TMTC1: variants seen among roughly 807,000 people sequenced by gnomAD.
The protein encoded by TMTC1 is transmembrane O-mannosyltransferase targeting cadherins 1, also known as protein O-mannosyl-transferase TMTC1.
In TMTC1, 73 loss-of-function variants were observed where a neutral mutation model predicts 104.8. The ratio of observed to expected loss-of-function variants is 0.70; its 90% CI spans 0.58 to 0.85. TMTC1 has a LOEUF of 0.85. TMTC1 is among the 40% of genes least tolerant of loss of function. The pLI, the probability that TMTC1 is intolerant of heterozygous loss-of-function variation, is 0.00. For synonymous variants in TMTC1, 434 were observed against 428.7 expected (o/e 1.01, Z -0.15); for missense variants, 1,035 against 1,096.1 (o/e 0.94, Z 0.79).
intron 5 of TMTC1, among the ~76,000 whole-genome samples, chr12:29,716,510 A>G (rs1203044317): frequency 1.3e-5 from 2 of 152,202 alleles, no homozygotes; most frequent in Non-Finnish European, 2.9e-5. Flanking sequence ...TATTAAAAAT[A>G]TTCATAATTA....
chr12:29,726,666 T>C (rs1358917201), intron 5 of TMTC1, among the ~76,000 whole-genome samples: 1 of 152,172 alleles, frequency 6.6e-6, no homozygotes, highest in Non-Finnish European at 1.5e-5. Context: ...CTGACACTAT[T>C]GCATCCCTTA....
intron 5 of TMTC1, among the ~76,000 whole-genome samples, chr12:29,746,970 T>A (rs1418681862): frequency 6.6e-6 from 1 of 152,282 alleles, no homozygotes; most frequent in South Asian, 2.1e-4. Flanking sequence ...AGGTGCTCAG[T>A]AAACAGTATT....
chr12:29,518,158 A>T (rs1045785952), intron 13 of TMTC1, among the ~76,000 whole-genome samples: 1 of 152,162 alleles, frequency 6.6e-6, no homozygotes, highest in Non-Finnish European at 1.5e-5. Flanking sequence ...ATAGTTTTTC[A>T]TGTATCCTCA....
rs1237499743 is a variant in TMTC1, at chr12:29,633,168, C to A, written c.1107G>T (p.Leu369=). Reference sequence around the variant, plus strand: ...TTACCTTAAAGGCTGCTAAGCAGTGCAGGCTCAATAAGGCCATCACAACCG... The same window carrying A: ...TTACCTTAAAGGCTGCTAAGCAGTGAAGGCTCAATAAGGCCATCACAACCG... ...FLAVVMALLS[L]HCLAAFKRLE... Residue 369 remains leucine (L), a synonymous_variant, in exon 6 of 18, where the codon CTG becomes CTT. Transcript: ENST00000539277. The A allele has an allele frequency of 3.1e-6, 5 of 1,613,776 alleles. No individual in the cohort carries two copies. The South Asian group carries it at 5.5e-5, about 18-fold the overall frequency.
chr12:29,673,407 C>G (rs980070215), intron 5 of TMTC1, among the ~76,000 whole-genome samples: 1 of 152,104 alleles, frequency 6.6e-6, no homozygotes, highest in Non-Finnish European at 1.5e-5. Context: ...TTGTGAAAAT[C>G]AGAAATCCAT....
At chr12:29,697,232 A>C (rs1055920979) in intron 5 of TMTC1, among the ~76,000 whole-genome samples, 1 of 152,206 alleles carries the variant, frequency 6.6e-6, no homozygotes, top group South Asian at 2.1e-4. Flanking sequence ...GCTGAATTTC[A>C]CTTCTTCCAC....
At chr12:29,758,850 C>T (rs1943276895) in intron 2 of TMTC1, 73 bp from the exon 3 acceptor site, 1 of 1,285,962 alleles carries the variant, frequency 7.8e-7, no homozygotes, top group Non-Finnish European at 1.1e-6. Context: ...AAATCCATTA[C>T]AGAAATGTAT....
rs1941881306 is a variant in TMTC1, at chr12:29,710,695, ATTTATAAATATG to A, written c.938+40959_938+40970del. Among the ~76,000 whole-genome samples the A allele has an allele frequency of 7.9e-5, 11 of 138,736 alleles. No homozygotes were observed. In the South Asian group the frequency reaches 1.7e-3, roughly 22 times the overall value. The allele number at this position is 138,736 out of a possible 152,430, so 91.0% of individuals were successfully genotyped here. ...TATTTATATATTTATAATTTTATAT[ATTTATAAATATG>A]TATTTATAATTTTATATATTATTAA... On this transcript the variant is annotated intron_variant, in intron 5 of 17. Coordinates refer to ENST00000539277, the MANE Select transcript of TMTC1 (RefSeq NM_001193451.2).
At chr12:29,775,197 T>C (rs1943679634) in intron 1 of TMTC1, among the ~76,000 whole-genome samples, 1 of 152,218 alleles carries the variant, frequency 6.6e-6, no homozygotes, top group Admixed American at 6.5e-5. Context: ...TATTTTAGTT[T>C]TAACTGAGCT....
chr12:29,703,251 G>A (rs556140184), intron 5 of TMTC1, among the ~76,000 whole-genome samples: 48 of 152,220 alleles, frequency 3.2e-4, no homozygotes, highest in African/African-American at 1.2e-3. Context: ...TTGAAAGCAT[G>A]AAAGAGTCAT....
chr12:29,605,241 G>T lies in TMTC1; in HGVS notation c.1129-942C>A, dbSNP rs573579607. ...TCTATTATTTTTAATAATTGGAAAAGAATAAGTAAAAGAATTTCATAAATG... is the reference window on the plus strand; with the variant it reads ...TCTATTATTTTTAATAATTGGAAAATAATAAGTAAAAGAATTTCATAAATG... On this transcript the variant is annotated intron_variant, in intron 6 of 17. Transcript: ENST00000539277. 5.9e-5 allele frequency among the ~76,000 whole-genome samples: 9 copies of T among 151,962 alleles called. No homozygotes were observed. The East Asian group carries it at 7.7e-4, about 13-fold the overall frequency.
intron 5 of TMTC1, among the ~76,000 whole-genome samples, chr12:29,742,080 T>C (rs938789906): frequency 1.3e-5 from 2 of 151,890 alleles, no homozygotes; most frequent in Admixed American, 6.6e-5. Context: ...GGAAGCCAAA[T>C]GAAAACTATG....
intron 5 of TMTC1, among the ~76,000 whole-genome samples, chr12:29,750,062 T>TACACACACACACACACACACACAC (rs34859060): frequency 1.0e-4 from 15 of 146,646 alleles, no homozygotes; most frequent in African/African-American, 3.5e-4. Context: ...TAACTGTCTA[T>TACACACACACACACACACACACAC]ACACACACAC....
At chr12:29,527,950 A>G (rs1246185076) in intron 11 of TMTC1, among the ~76,000 whole-genome samples, 1 of 152,078 alleles carries the variant, frequency 6.6e-6, no homozygotes, top group African/African-American at 2.4e-5. Flanking sequence ...AGTAACCCCA[A>G]TGGCAGTTTC....
At position 29,668,454 on chromosome 12, in the gene TMTC1, C is replaced by CTTTTTTTTTTTT. The variant is rs66652706; in HGVS notation, c.939-35130_939-35119dup. On this transcript the variant is annotated intron_variant, in intron 5 of 17. Coordinates refer to ENST00000539277, the MANE Select transcript of TMTC1 (RefSeq NM_001193451.2). ...CCACATTCAAACCATACCAACTTAT[C>CTTTTTTTTTTTT]TTTTTTTTTTTTTTTTTTTTTTTTG... is the stretch of plus-strand genomic sequence containing the variant. Among the ~76,000 whole-genome samples the CTTTTTTTTTTTT allele has an allele frequency of 2.6e-3, 236 of 90,072 alleles. 13 individuals carry two copies. Among genetic ancestry groups the CTTTTTTTTTTTT allele is most frequent in the East Asian group, 0.014 (36 of 2,624 alleles). 59.1% of individuals were successfully genotyped at this position (90,072 alleles called of 152,430 possible). A position where few individuals can be genotyped will look rare whatever the true frequency, so the allele number is the denominator to read the frequency against.
chr12:29,589,768 T>C (rs1467230028), intron 7 of TMTC1, among the ~76,000 whole-genome samples: 1 of 152,202 alleles, frequency 6.6e-6, no homozygotes, highest in Non-Finnish European at 1.5e-5. Flanking sequence ...TCCTGTGCGG[T>C]AGGCACTGTG....
chr12:29,782,651 T>A (rs1290753132), intron 1 of TMTC1, among the ~76,000 whole-genome samples: 2 of 152,172 alleles, frequency 1.3e-5, no homozygotes, highest in East Asian at 1.9e-4. Context: ...TCTTTTCAAA[T>A]TAAAGAAAAT....
rs1244766709 is a variant in TMTC1, at chr12:29,783,020, AAGCTGCCCAAC to A, written c.302+419_302+429del. On this transcript the variant is annotated intron_variant, in intron 1 of 17. Coordinates refer to ENST00000539277, the MANE Select transcript of TMTC1 (RefSeq NM_001193451.2). This position sits in a 1 kb window ranked among gnomAD's most constrained non-coding sequence, Gnocchi z 4.7. ...GGGGCTGATACACTTCTCATCTGCA[AAGCTGCCCAAC>A]AGCCTCCGAGAAATTCTCTACTTGG... 6.0e-6 allele frequency: 1 copy of A among 165,684 alleles called. No individual in the cohort carries two copies. Among genetic ancestry groups the A allele is most frequent in the Non-Finnish European group, 1.3e-5 (1 of 77,600 alleles). 10.3% of individuals were successfully genotyped at this position (165,684 alleles called of 1,614,324 possible).
intron 5 of TMTC1, among the ~76,000 whole-genome samples, chr12:29,726,670 T>C (rs1942400662): frequency 6.6e-6 from 1 of 152,138 alleles, no homozygotes; most frequent in Non-Finnish European, 1.5e-5. Flanking sequence ...CACTATTGCA[T>C]CCCTTACCCT....
Sources: allele counts gnomAD v4.1 joint callset (sites outside exome capture counted in the v4.1 genomes callset), GRCh38; gene constraint gnomAD v4.1.1; non-coding constraint Gnocchi (gnomAD v3.1); transcripts MANE v1.5; gene names NCBI Gene and HGNC (gene_info 2026-07-23, HGNC 2026-07-21).